Variants in ATRNL1 observed in about 807,000 individuals in gnomAD.
The protein encoded by ATRNL1 is attractin like 1.
A neutral mutation model predicts 182.7 loss-of-function variants in ATRNL1; 95 were observed. That is an observed-to-expected ratio of 0.52 (90% confidence interval 0.44 to 0.62). The LOEUF is 0.62. Among genes scored for constraint, ATRNL1 ranks in the 20% least tolerant of loss-of-function variants. The pLI is 0.00. For synonymous variants in ATRNL1, 576 were observed against 568.3 expected (o/e 1.01, Z -0.19); for missense variants, 1,471 against 1,679.5 (o/e 0.88, Z 2.17).
At chr10:115,254,266 T>A (rs1009180449) in intron 10 of ATRNL1, among the ~76,000 whole-genome samples, 2 of 152,166 alleles carry the variant, frequency 1.3e-5, no homozygotes, top group Admixed American at 1.3e-4. Context: ...TGTAAAAACA[T>A]TCCTATTTCT....
At chr10:115,877,086 A>C (rs2620953) in intron 28 of ATRNL1, among the ~76,000 whole-genome samples, 142,340 of 152,266 alleles carry the variant, frequency 0.93, 67,208 homozygotes, top group East Asian at 1. Context: ...GTAATAGACT[A>C]GGCTTTGAGC....
chr10:115,781,062 C>G (rs1949253550), intron 27 of ATRNL1, among the ~76,000 whole-genome samples: 1 of 152,186 alleles, frequency 6.6e-6, no homozygotes, highest in Admixed American at 6.5e-5. Flanking sequence ...GGAGACACTT[C>G]ACAAGAGGAT....
intron 26 of ATRNL1, among the ~76,000 whole-genome samples, chr10:115,616,708 T>C (rs563158143): frequency 1.4e-4 from 22 of 152,270 alleles, no homozygotes; most frequent in African/African-American, 4.6e-4. Context: ...GAGGTACAGC[T>C]CAGGCCACTG....
At chr10:115,653,242 A>C (rs1266727696) in intron 26 of ATRNL1, among the ~76,000 whole-genome samples, 2 of 152,198 alleles carry the variant, frequency 1.3e-5, no homozygotes, top group East Asian at 3.8e-4. Flanking sequence ...GTAGCTATGC[A>C]CATGTAAGTT....
At chr10:115,809,323 G>T (rs546277234) in intron 27 of ATRNL1, among the ~76,000 whole-genome samples, 1 of 148,080 alleles carries the variant, frequency 6.8e-6, no homozygotes, top group Admixed American at 6.8e-5. Context: ...TGCATTTCCC[G>T]TATAAATTTT....
chr10:115,240,707 G>T (rs1850383370), intron 9 of ATRNL1, among the ~76,000 whole-genome samples: 1 of 151,878 alleles, frequency 6.6e-6, no homozygotes, highest in South Asian at 2.1e-4. Context: ...CTTTAGAGTA[G>T]TTATTTAATA....
At chr10:115,439,012 C>A (rs1412020562) in intron 21 of ATRNL1, among the ~76,000 whole-genome samples, 1 of 151,784 alleles carries the variant, frequency 6.6e-6, no homozygotes, top group East Asian at 1.9e-4. Flanking sequence ...ACAGTTGATT[C>A]ACATATATTT....
chr10:115,692,546 A>G (rs1394649544), intron 26 of ATRNL1, among the ~76,000 whole-genome samples: 2 of 152,032 alleles, frequency 1.3e-5, no homozygotes, highest in Non-Finnish European at 2.9e-5. Context: ...TTGTTCAAGT[A>G]CTCTAAAAAT....
In ATRNL1 at chr10:115,584,380, A is replaced by C. The variant is rs28841415; in HGVS notation, c.3795+34844A>C. On this transcript the variant is annotated intron_variant, in intron 26 of 28. Transcript: ENST00000355044. ...TTCGGCTGTGAATCCATCTGGTCCT[A>C]GACTCTTTTTGGTTGGTAAGCTATT... Among the ~76,000 whole-genome samples the C allele has an allele frequency of 4.4e-4, 51 of 115,270 alleles. 1 individual carries two copies. In the South Asian group the frequency reaches 5.9e-3, roughly 13 times the overall value. The allele number at this position is 115,270 out of a possible 152,430, so 75.6% of individuals were successfully genotyped here.
At chr10:115,885,342 A>T (rs1193241377) in intron 28 of ATRNL1, among the ~76,000 whole-genome samples, 1 of 152,186 alleles carries the variant, frequency 6.6e-6, no homozygotes, top group African/African-American at 2.4e-5. Flanking sequence ...TGTCAGGAAG[A>T]TGCCCACTGT....
chr10:115,473,272 A>G (rs543710279), intron 24 of ATRNL1, among the ~76,000 whole-genome samples: 4 of 151,284 alleles, frequency 2.6e-5, no homozygotes, highest in South Asian at 4.2e-4. Context: ...GGATATTTGC[A>G]TTTACATTTA....
At chr10:115,900,330 T>C (rs1458060788) in intron 28 of ATRNL1, among the ~76,000 whole-genome samples, 1 of 152,298 alleles carries the variant, frequency 6.6e-6, no homozygotes, top group African/African-American at 2.4e-5. Context: ...AAGATCTTAA[T>C]GACTTTAAAG....
At chr10:115,907,024 A>G (rs1291512045) in intron 28 of ATRNL1, among the ~76,000 whole-genome samples, 2 of 152,132 alleles carry the variant, frequency 1.3e-5, no homozygotes, top group African/African-American at 2.4e-5. Flanking sequence ...TTGGATTTTG[A>G]ATTTTCAGAT....
intron 28 of ATRNL1, among the ~76,000 whole-genome samples, chr10:115,886,568 T>A (rs541021051): frequency 6.6e-6 from 1 of 152,238 alleles, no homozygotes; most frequent in Non-Finnish European, 1.5e-5. Flanking sequence ...TTAATGTTGT[T>A]GTTTTGAATG....
chr10:115,102,651 C>T (rs1203677472), intron 1 of ATRNL1, among the ~76,000 whole-genome samples: 4 of 152,100 alleles, frequency 2.6e-5, no homozygotes, highest in African/African-American at 7.2e-5. Flanking sequence ...GCCATGTTGG[C>T]CAGGCTGGTG....
intron 20 of ATRNL1, among the ~76,000 whole-genome samples, chr10:115,423,151 C>T (rs1554962238): frequency 6.6e-6 from 1 of 152,150 alleles, no homozygotes; most frequent in Non-Finnish European, 1.5e-5. Flanking sequence ...CCTTCTTACC[C>T]TGATGTCATT....
intron 19 of ATRNL1, among the ~76,000 whole-genome samples, chr10:115,363,970 T>G (rs868988833): frequency 1.3e-5 from 2 of 152,070 alleles, no homozygotes; most frequent in South Asian, 2.1e-4. Context: ...CCAGCTTTAT[T>G]CTTTTGGCTT....
chr10:115,735,411 A>C (rs769936958), intron 27 of ATRNL1, among the ~76,000 whole-genome samples: 6 of 152,180 alleles, frequency 3.9e-5, no homozygotes, highest in Non-Finnish European at 1.5e-5. Flanking sequence ...TTGTTGCTGT[A>C]GTAGGTCCCT....
At chr10:115,601,791 C>T (rs781805509) in intron 26 of ATRNL1, among the ~76,000 whole-genome samples, 4 of 152,034 alleles carry the variant, frequency 2.6e-5, no homozygotes, top group Non-Finnish European at 5.9e-5. Flanking sequence ...ATAGTTGTAA[C>T]TCTTTCGTTA....
Sources: allele counts gnomAD v4.1 joint callset (sites outside exome capture counted in the v4.1 genomes callset), GRCh38; gene constraint gnomAD v4.1.1; transcripts MANE v1.5; gene names NCBI Gene and HGNC (gene_info 2026-07-23, HGNC 2026-07-21).